The following ADAM22 variants were observed in gnomAD, a reference collection of about 807,000 sequenced individuals.
ADAM22 encodes disintegrin and metalloproteinase domain-containing protein 22.
Under a neutral mutation model 144.6 loss-of-function variants are expected in ADAM22, and 65 were observed. That is an observed-to-expected ratio of 0.45 (90% confidence interval 0.37 to 0.55). ADAM22 has a LOEUF of 0.55. ADAM22 is among the 20% of genes least tolerant of loss of function. The pLI is 0.00. For missense variants in ADAM22, 974 were observed against 1,184.9 expected, an observed-to-expected ratio of 0.82 and a Z score of 2.61; for synonymous variants, 391 against 412.6, an observed-to-expected ratio of 0.95 and a Z score of 0.63.
intron 3 of ADAM22, among the ~76,000 whole-genome samples, chr7:88,028,888 G>A (rs1364527704): frequency 2.0e-5 from 3 of 151,964 alleles, no homozygotes; most frequent in Admixed American, 1.3e-4. Context: ...TTCAGTCTAT[G>A]TGTGTCCTTA....
chr7:87,953,575 T>A (rs1845801902), intron 2 of ADAM22, among the ~76,000 whole-genome samples: 1 of 152,170 alleles, frequency 6.6e-6, no homozygotes, highest in Non-Finnish European at 1.5e-5. Context: ...TGTGGTCAAT[T>A]TTGGAATAGG....
Position 88,039,611 on chromosome 7 carries a change from A to G in ADAM22, c.324-36015A>G, listed in dbSNP as rs535983636. The stretch of plus-strand genomic sequence containing the variant: ...TGAAATGTTTTTCATTCATGTTTGC[A>G]TGTGTGTGTGTGTGTGTCTGTGTGT... On this transcript the variant is annotated intron_variant, in intron 3 of 31. Coordinates refer to ENST00000413139, the MANE Select transcript of ADAM22 (RefSeq NM_001324418.2). Among the ~76,000 whole-genome samples, 88 of 146,504 alleles carry G rather than the reference A, an allele frequency of 6.0e-4. 1 individual carries two copies. The highest frequency in any genetic ancestry group is 1.8e-3 in the African/African-American group (71 of 40,186).
intron 3 of ADAM22, among the ~76,000 whole-genome samples, chr7:88,041,505 A>T (rs1803123966): frequency 6.6e-6 from 1 of 151,930 alleles, no homozygotes; most frequent in Admixed American, 6.6e-5. Context: ...ATCTATATCT[A>T]TACATTCATT....
chr7:88,173,876 A>T (rs1363352389), intron 26 of ADAM22, among the ~76,000 whole-genome samples: 2 of 152,096 alleles, frequency 1.3e-5, no homozygotes, highest in Non-Finnish European at 2.9e-5. Context: ...GGAAGACTGT[A>T]TTTCTCTGAT....
chr7:88,151,429 C>A, intron 20 of ADAM22, 109 bp downstream of exon 20: 1 of 1,229,170 alleles, frequency 8.1e-7, no homozygotes, highest in Non-Finnish European at 1.2e-6. Context: ...CTGGGGGATT[C>A]TCAAAGCTAC....
intron 3 of ADAM22, among the ~76,000 whole-genome samples, chr7:88,026,688 T>C (rs530555816): frequency 2.0e-4 from 31 of 152,374 alleles, no homozygotes; most frequent in Non-Finnish European, 3.8e-4. Flanking sequence ...ATTTGACTTC[T>C]CCCTTTCCAA....
At chr7:88,173,449 G>A (rs1290494921) in intron 26 of ADAM22, among the ~76,000 whole-genome samples, 1 of 151,994 alleles carries the variant, frequency 6.6e-6, no homozygotes, top group East Asian at 1.9e-4. Context: ...TCTCAAAGTG[G>A]AGAAATGGCA....
intron 6 of ADAM22, among the ~76,000 whole-genome samples, chr7:88,115,216 C>T (rs571697548): frequency 6.6e-6 from 1 of 152,126 alleles, no homozygotes. Flanking sequence ...ACTCCGTCTC[C>T]AAAACAAACA....
chr7:88,138,202 G>T (rs893599884), intron 14 of ADAM22, among the ~76,000 whole-genome samples: 1 of 152,086 alleles, frequency 6.6e-6, no homozygotes, highest in African/African-American at 2.4e-5. Context: ...TGGACTTTTT[G>T]TTTAGTAATG....
intron 30 of ADAM22, among the ~76,000 whole-genome samples, chr7:88,187,955 C>T (rs1178836823): frequency 6.6e-6 from 1 of 151,722 alleles, no homozygotes; most frequent in African/African-American, 2.4e-5. Context: ...CTGCTTGTCC[C>T]ACACTTTCCC....
chr7:88,150,867 A>T, intron 18 of ADAM22, 114 bp from the exon 19 acceptor site: 1 of 868,616 alleles, frequency 1.2e-6, no homozygotes, highest in East Asian at 2.4e-5. Flanking sequence ...TATAGATGGT[A>T]TAAGGGACTA....
At chr7:88,039,464 A>AAAAATATATATATATATATAT in intron 3 of ADAM22, among the ~76,000 whole-genome samples, 1 of 76,378 alleles carries the variant, frequency 1.3e-5, no homozygotes, top group African/African-American at 4.7e-5. Flanking sequence ...AAAAAAAAAA[A>AAAAATATATATATATATATAT]ATATATATAT....
At chr7:88,184,545 A>C (rs1847853852) in intron 29 of ADAM22, 2 of 196,854 alleles carry the variant, frequency 1.0e-5, no homozygotes, top group South Asian at 1.2e-4. Context: ...AGCACCAGCT[A>C]ATTTTCCTTT....
intron 30 of ADAM22, 139 bp from the exon 31 acceptor site, chr7:88,192,977 A>G (rs1849936740): frequency 2.1e-6 from 2 of 961,300 alleles, no homozygotes; most frequent in East Asian, 5.1e-5. Context: ...ATGACAGAAT[A>G]TCTTCCCAGT....
At chr7:88,196,274 G>A (rs749340272) in intron 31 of ADAM22, among the ~76,000 whole-genome samples, 197 bp from the exon 32 acceptor site, 2 of 152,322 alleles carry the variant, frequency 1.3e-5, no homozygotes, top group South Asian at 2.1e-4. Context: ...TGTTAAAAAG[G>A]TTGAGACACA....
intron 4 of ADAM22, among the ~76,000 whole-genome samples, chr7:88,085,095 TA>T (rs1162637229): frequency 6.6e-6 from 1 of 152,222 alleles, no homozygotes. Context: ...TCTGAGGTAT[TA>T]GGGGTTAGGA....
intron 17 of ADAM22, among the ~76,000 whole-genome samples, chr7:88,147,782 A>T (rs932363092): frequency 6.6e-6 from 1 of 152,158 alleles, no homozygotes; most frequent in African/African-American, 2.4e-5. Flanking sequence ...ACTCCTCTAA[A>T]CTACCCCAAA....
chr7:88,114,565 A>AT lies in ADAM22; in HGVS notation c.474-12dup. ...TGAGAGTCGATGGCCATGCCTAATT[A>AT]TTTTTTTGTCGTTGGCAGTGGGATG... On this transcript the variant is annotated intron_variant, in intron 5 of 31. Coordinates refer to ENST00000413139, the MANE Select transcript of ADAM22 (RefSeq NM_001324418.2). 1 of 1,612,590 alleles carries AT rather than the reference A, an allele frequency of 6.2e-7. No individual in the cohort carries two copies. The highest frequency in any genetic ancestry group is 8.5e-7 in the Non-Finnish European group (1 of 1,179,032).
chr7:87,934,709 A>G, intron 1 of ADAM22, 159 bp downstream of exon 1: 1 of 741,818 alleles, frequency 1.3e-6, no homozygotes, highest in Non-Finnish European at 2.1e-6. Context: ...GAAGTGGAGC[A>G]AAAATATATG....
Sources: allele counts gnomAD v4.1 joint callset (sites outside exome capture counted in the v4.1 genomes callset), GRCh38; gene constraint gnomAD v4.1.1; transcripts MANE v1.5; gene names NCBI Gene and HGNC (gene_info 2026-07-23, HGNC 2026-07-21).